Variants in PIK3R3 observed in about 807,000 individuals in gnomAD.
The protein encoded by PIK3R3 is phosphoinositide-3-kinase regulatory subunit 3, also known as phosphatidylinositol 3-kinase regulatory subunit gamma.
Under a neutral mutation model 62.9 loss-of-function variants are expected in PIK3R3, and 64 were observed. The observed-to-expected ratio is 1.02, with a 90% CI of 0.83 to 1.25. The LOEUF (loss-of-function observed/expected upper bound fraction) is 1.25. Ranked by LOEUF, PIK3R3 falls within the 50% of genes most tolerant of loss-of-function variation. The pLI is 0.00. For synonymous variants in PIK3R3, 165 were observed against 189.0 expected (o/e 0.87, Z 1.04); for missense variants, 614 against 561.6 (o/e 1.09, Z -0.94).
At chr1:46,158,901 T>C in the PIK3R3 span, among the ~76,000 whole-genome samples, 1 of 151,762 alleles carries the variant, frequency 6.6e-6, no homozygotes, top group African/African-American at 2.4e-5. Flanking sequence ...GCCTAACCAA[T>C]ATGGTGACAC....
In PIK3R3 at chr1:46,066,172, A is replaced by T. The variant is rs763066371; in HGVS notation, c.503T>A (p.Leu168Ter). 6.4e-7 allele frequency: 1 copy of T among 1,570,730 alleles called. No homozygotes were observed. Among genetic ancestry groups the T allele is most frequent in the Non-Finnish European group, 8.8e-7 (1 of 1,141,824 alleles). ...YPVSRYQQDQ[L>*]VKEDNIDAVG... The stretch of plus-strand genomic sequence containing the variant: ...TGCATCAATATTATCTTCTTTTACC[A>T]ACTGATCCTATACAGGTAAAGAAAA... Residue 168 changes from leucine to a stop codon, truncating the protein, a stop_gained, in exon 5 of 10, where the codon TTG (leucine) becomes TAG (stop). Coordinates refer to ENST00000262741, the MANE Select transcript of PIK3R3 (RefSeq NM_003629.4). LOFTEE classifies it high-confidence loss of function.
chr1:46,131,946 T>G lies in PIK3R3; in HGVS notation c.7A>C (p.Asn3His). ...TCGCGGTCCATACTCCACACCGTAT[T>G]GTACATCGCGCTGTCAGGGGCAGGT... MY[N>H]TVWSMDRDDA... The change falls in exon 1 of 10, where the codon AAT (asparagine) becomes CAT (histidine). Residue 3 changes from asparagine (N) to histidine (H), a missense_variant. Coordinates refer to ENST00000262741, the MANE Select transcript of PIK3R3 (RefSeq NM_003629.4). The G allele has an allele frequency of 6.2e-7, 1 of 1,614,054 alleles. No individual in the cohort carries two copies. The highest frequency in any genetic ancestry group is 8.5e-7 in the Non-Finnish European group (1 of 1,179,964).
At chr1:46,168,041 A>G in the PIK3R3 span, among the ~76,000 whole-genome samples, 1 of 152,216 alleles carries the variant, frequency 6.6e-6, no homozygotes, top group African/African-American at 2.4e-5. Context: ...TTGTAACCTC[A>G]GCTACTTGGG....
upstream of PIK3R3, among the ~76,000 whole-genome samples, chr1:46,133,253 G>A (rs1655783895): frequency 6.6e-6 from 1 of 152,266 alleles, no homozygotes; most frequent in Non-Finnish European, 1.5e-5. Context: ...CGCAAACGGC[G>A]GTTACTGACA....
At chr1:46,097,205 G>C (rs1253001875) in intron 1 of PIK3R3, among the ~76,000 whole-genome samples, 3 of 152,066 alleles carry the variant, frequency 2.0e-5, no homozygotes, top group Admixed American at 6.6e-5. Flanking sequence ...AAAGGACAAA[G>C]ACCAGCATAA....
intron 1 of PIK3R3, among the ~76,000 whole-genome samples, chr1:46,127,037 C>A (rs1655152952): frequency 6.6e-6 from 1 of 151,488 alleles, no homozygotes; most frequent in Non-Finnish European, 1.5e-5. Flanking sequence ...ACGTTGCTGC[C>A]CTAAAGATAA....
Position 46,066,133 on chromosome 1 carries a change from A to C in PIK3R3, c.542T>G (p.Leu181Arg). The C allele has an allele frequency of 6.3e-7, 1 of 1,594,048 alleles. No homozygotes were observed. Among genetic ancestry groups the C allele is most frequent in the South Asian group, 1.1e-5 (1 of 90,676 alleles). Residue 181 changes from leucine to arginine, a missense_variant, in exon 5 of 10, where the codon CTG becomes CGG. Transcript: ENST00000262741. ...EDNIDAVGKK[L>R]QEYHSQYQEK... ...CTGATACTGAGAGTGGTATTCTTGCAGTTTTTTACCTACTGCATCAATATT... is the reference window on the plus strand; with the variant it reads ...CTGATACTGAGAGTGGTATTCTTGCCGTTTTTTACCTACTGCATCAATATT...
At chr1:46,104,091 GT>G (rs547767577) in intron 1 of PIK3R3, among the ~76,000 whole-genome samples, 1 of 151,304 alleles carries the variant, frequency 6.6e-6, no homozygotes, top group African/African-American at 2.4e-5. Flanking sequence ...TGCCTGGCTA[GT>G]TTTTTTTGTA....
intron 1 of PIK3R3, among the ~76,000 whole-genome samples, chr1:46,110,152 C>T (rs982992999): frequency 3.3e-5 from 5 of 151,914 alleles, no homozygotes; most frequent in Non-Finnish European, 7.4e-5. Context: ...CACTCTGTTG[C>T]CCAAGCTGGA....
At chr1:46,148,776 GAC>G in the PIK3R3 span, among the ~76,000 whole-genome samples, 3 of 147,552 alleles carry the variant, frequency 2.0e-5, no homozygotes, top group African/African-American at 7.6e-5. Flanking sequence ...GAGAGAGAGA[GAC>G]ATGAAGAGAG....
At chr1:46,065,357 G>A (rs1648892336) in intron 5 of PIK3R3, among the ~76,000 whole-genome samples, 1 of 152,214 alleles carries the variant, frequency 6.6e-6, no homozygotes, top group South Asian at 2.1e-4. Flanking sequence ...AATATGAAAA[G>A]TATTACTGGC....
At chr1:46,057,724 CG>C (rs1648063240) in intron 6 of PIK3R3, among the ~76,000 whole-genome samples, 1 of 152,050 alleles carries the variant, frequency 6.6e-6, no homozygotes, top group African/African-American at 2.4e-5. Flanking sequence ...GGATATCTGG[CG>C]GAAGAAATTT....
Position 46,046,635 on chromosome 1 carries a change from G to C in PIK3R3, c.942-10C>G, listed in dbSNP as rs1417328105. 2 of 1,598,706 alleles carry C rather than the reference G, an allele frequency of 1.3e-6. No homozygotes were observed. Among genetic ancestry groups the C allele is most frequent in the Admixed American group, 3.3e-5 (2 of 59,994 alleles). The stretch of plus-strand genomic sequence containing the variant: ...TTTGTGATTGAGCCATCTGCCAGAG[G>C]AAAGACACCAGTGTCAGTATCCATG... On this transcript the variant is annotated splice_polypyrimidine_tract_variant and intron_variant, in intron 7 of 9. Coordinates refer to ENST00000262741, the MANE Select transcript of PIK3R3 (RefSeq NM_003629.4).
the PIK3R3 span, among the ~76,000 whole-genome samples, chr1:46,143,970 A>G: frequency 6.6e-6 from 1 of 152,018 alleles, no homozygotes; most frequent in Non-Finnish European, 1.5e-5. Context: ...TCTGGTATCT[A>G]TCATTGTAGT....
Position 46,077,584 on chromosome 1 carries a change from A to C in PIK3R3, c.245T>G (p.Met82Arg). Residue 82 changes from methionine (M) to arginine (R), a missense_variant, in exon 3 of 10, where the codon ATG becomes AGG. Met to Arg is a moderately conservative substitution (Grantham distance 91). Coordinates refer to ENST00000262741, the MANE Select transcript of PIK3R3 (RefSeq NM_003629.4). Reference protein sequence around the residue: ...REEVNDKLRDMPDGTFLVRDA... With the variant: ...REEVNDKLRDRPDGTFLVRDA... ...TCGGACCAAGAAGGTCCCATCTGGC[A>C]TATCCCGCAATTTGTCATTTACCTC... 6.2e-7 allele frequency: 1 copy of C among 1,611,206 alleles called. No homozygotes were observed. The highest frequency in any genetic ancestry group is 8.5e-7 in the Non-Finnish European group (1 of 1,177,384).
chr1:46,051,806 T>C (rs1258994175), intron 7 of PIK3R3, among the ~76,000 whole-genome samples: 1 of 152,188 alleles, frequency 6.6e-6, no homozygotes, highest in Non-Finnish European at 1.5e-5. Context: ...ACCCTATATA[T>C]ACTGTTTTTT....
chr1:46,149,821 G>A, the PIK3R3 span, among the ~76,000 whole-genome samples: 46 of 152,222 alleles, frequency 3.0e-4, no homozygotes, highest in African/African-American at 9.9e-4. Flanking sequence ...CTAAGCCTCC[G>A]CACCCGGCCA....
upstream of PIK3R3, among the ~76,000 whole-genome samples, chr1:46,137,983 T>A (rs558079601): frequency 5.3e-5 from 8 of 152,312 alleles, no homozygotes; most frequent in South Asian, 1.7e-3. Context: ...CAATGACCTT[T>A]CCCTCCCTCT....
At chr1:46,155,214 C>A in the PIK3R3 span, among the ~76,000 whole-genome samples, 88,649 of 151,728 alleles carry the variant, frequency 0.58, 25,944 homozygotes, top group South Asian at 0.67. Flanking sequence ...CCGCCTACTC[C>A]AGAAGCTGAG....
Sources: allele counts gnomAD v4.1 joint callset (sites outside exome capture counted in the v4.1 genomes callset), GRCh38; gene constraint gnomAD v4.1.1; transcripts MANE v1.5; gene names NCBI Gene and HGNC (gene_info 2026-07-23, HGNC 2026-07-21).